Variants in EFHC2 observed in about 807,000 individuals in gnomAD.
EFHC2 encodes the protein EF-hand domain containing 2.
In EFHC2, 18 loss-of-function variants were observed where a neutral mutation model predicts 52.7. The ratio of observed to expected loss-of-function variants is 0.34; its 90% CI spans 0.24 to 0.51. The LOEUF (loss-of-function observed/expected upper bound fraction) is 0.51. EFHC2 is among the 20% of genes least tolerant of loss of function. The probability of loss-of-function intolerance (pLI) is 0.97; values close to 1 mark genes in which losing one functional copy is unlikely to be tolerated. For missense variants in EFHC2, 513 were observed against 562.5 expected, an observed-to-expected ratio of 0.91 and a Z score of 0.89; for synonymous variants, 203 against 204.1, an observed-to-expected ratio of 0.99 and a Z score of 0.04.
chrX:44,211,359 C>G (rs2037093454), intron 11 of EFHC2, among the ~76,000 whole-genome samples: 1 of 110,591 alleles, frequency 9.0e-6, no homozygotes, highest in Non-Finnish European at 1.9e-5. Context: ...GAAACCCCAT[C>G]TTTACTAAAA....
chrX:44,214,880 G>A (rs1602156505), intron 11 of EFHC2, among the ~76,000 whole-genome samples: 2 of 111,862 alleles, frequency 1.8e-5, no homozygotes, highest in South Asian at 7.6e-4. Context: ...GCCTACTGGT[G>A]AAGCTAGTAT....
Position 44,266,823 on chromosome X carries a change from C to T in EFHC2, c.383-5525G>A, listed in dbSNP as rs141307535. ...GTACATGCCCAATAAGAGTGAATGG[C>T]ATATGAATGACTGACTTCTATTTTG... On this transcript the variant is annotated intron_variant, in intron 3 of 14. Coordinates refer to ENST00000420999, the MANE Select transcript of EFHC2 (RefSeq NM_025184.4). Among the ~76,000 whole-genome samples the T allele has an allele frequency of 8.7e-3, 973 of 111,403 alleles. 16 individuals are homozygous for T. Among genetic ancestry groups the T allele is most frequent in the African/African-American group, 0.03 (928 of 30,618 alleles).
chrX:44,192,350 T>C (rs2147289705), intron 11 of EFHC2, among the ~76,000 whole-genome samples: 1 of 112,063 alleles, frequency 8.9e-6, no homozygotes, highest in African/African-American at 3.2e-5. Context: ...CTCTGTGTAT[T>C]GCCTGAGGTC....
chrX:44,265,695 C>G, intron 3 of EFHC2, among the ~76,000 whole-genome samples: 1 of 111,927 alleles, frequency 8.9e-6, no homozygotes, highest in Non-Finnish European at 1.9e-5. Flanking sequence ...CACTTATCAT[C>G]ACATCTACAA....
chrX:44,179,146 A>T, intron 11 of EFHC2, among the ~76,000 whole-genome samples: 1 of 110,534 alleles, frequency 9.0e-6, no homozygotes, highest in Non-Finnish European at 1.9e-5. Flanking sequence ...TAGAAGGCAA[A>T]TGGTACTGAG....
intron 4 of EFHC2, among the ~76,000 whole-genome samples, chrX:44,256,318 C>T (rs1465956334): frequency 1.8e-5 from 2 of 110,719 alleles, no homozygotes; most frequent in African/African-American, 6.6e-5. Context: ...GATAGAGACA[C>T]AAAAAACCCT....
chrX:44,226,931 A>C (rs1249843546), intron 11 of EFHC2, among the ~76,000 whole-genome samples: 1 of 108,520 alleles, frequency 9.2e-6, no homozygotes, highest in Non-Finnish European at 1.9e-5. Flanking sequence ...GAAGGAAGGA[A>C]GGAAGGAGAA....
chrX:44,212,432 C>G (rs2037107222), intron 11 of EFHC2, among the ~76,000 whole-genome samples: 1 of 110,727 alleles, frequency 9.0e-6, no homozygotes, highest in African/African-American at 3.3e-5. Flanking sequence ...GGGGTTTTAT[C>G]AGAGCCTAAC....
chrX:44,326,495 A>G (rs1373048688), intron 1 of EFHC2, among the ~76,000 whole-genome samples: 3 of 110,720 alleles, frequency 2.7e-5, no homozygotes, highest in Non-Finnish European at 5.7e-5. Flanking sequence ...TTTATCTCAT[A>G]TATATGTACA....
chrX:44,204,115 C>A (rs1165847075), intron 11 of EFHC2, among the ~76,000 whole-genome samples: 5 of 110,568 alleles, frequency 4.5e-5, no homozygotes, highest in Admixed American at 9.6e-5. Context: ...AGAGCTTTGC[C>A]CCCTGAAAGC....
chrX:44,216,170 C>T (rs1602157303), intron 11 of EFHC2, among the ~76,000 whole-genome samples: 1 of 112,596 alleles, frequency 8.9e-6, no homozygotes, highest in South Asian at 3.6e-4. Flanking sequence ...TTTTAACAAA[C>T]TACCCTAAAA....
intron 11 of EFHC2, among the ~76,000 whole-genome samples, chrX:44,195,753 C>G (rs1393184510): frequency 9.1e-6 from 1 of 109,895 alleles, no homozygotes; most frequent in Non-Finnish European, 1.9e-5. Context: ...CCCTGGGTAT[C>G]CTGGGGCACG....
At chrX:44,341,857 G>A (rs1459315136) in intron 1 of EFHC2, among the ~76,000 whole-genome samples, 1 of 112,135 alleles carries the variant, frequency 8.9e-6, no homozygotes, top group East Asian at 2.8e-4. Context: ...AAAAATATAC[G>A]CAGAACCTTG....
chrX:44,165,983 C>A (rs1267897011), intron 13 of EFHC2, among the ~76,000 whole-genome samples: 4 of 111,918 alleles, frequency 3.6e-5, no homozygotes, highest in Admixed American at 1.9e-4. Context: ...AGACCCAAAT[C>A]TGTTGTCATC....
chrX:44,174,766 G>C (rs2036773324), intron 13 of EFHC2, among the ~76,000 whole-genome samples: 3 of 110,722 alleles, frequency 2.7e-5, no homozygotes. Flanking sequence ...TATCTGTGAA[G>C]AACTCTGAGT....
In EFHC2 at chrX:44,309,415, A is replaced by G. The variant is rs764413354; in HGVS notation, c.231+3153T>C. On this transcript the variant is annotated intron_variant, in intron 2 of 14. Transcript: ENST00000420999. The stretch of plus-strand genomic sequence containing the variant: ...CTCCTCTCAAAGAAGTTAGTCTTTC[A>G]GTGAAATATTCTCCGTAAAGTCAAA... 88 of 1,005,283 alleles carry G rather than the reference A, an allele frequency of 8.8e-5. No individual in the cohort carries two copies. The Middle Eastern group carries it at 1.8e-3, about 20-fold the overall frequency. The allele number at this position is 1,005,283 out of a possible 1,213,427, so 82.8% of individuals were successfully genotyped here.
At chrX:44,326,717 ATTTTTTT>A (rs773265380) in intron 1 of EFHC2, among the ~76,000 whole-genome samples, 1 of 45,044 alleles carries the variant, frequency 2.2e-5, no homozygotes, top group African/African-American at 9.3e-5. Context: ...ATGGAGTCTG[ATTTTTTT>A]TTTTTTTTTT....
At chrX:44,178,633 T>C in intron 11 of EFHC2, 69 bp from the exon 12 acceptor site, 1 of 904,154 alleles carries the variant, frequency 1.1e-6, no homozygotes, top group South Asian at 2.7e-5. Flanking sequence ...TCTCCTTCTA[T>C]TTAAAAGATC....
intron 11 of EFHC2, among the ~76,000 whole-genome samples, chrX:44,204,858 T>C (rs1270908708): frequency 9.0e-6 from 1 of 111,715 alleles, no homozygotes; most frequent in East Asian, 2.8e-4. Flanking sequence ...GAGGTCAACA[T>C]GCAGATACAA....
Sources: gnomAD v4.1 joint callset for allele counts (sites outside exome capture counted in the v4.1 genomes callset) on GRCh38, gnomAD v4.1.1 for gene constraint, MANE v1.5 for transcripts, NCBI Gene and HGNC (gene_info 2026-07-23, HGNC 2026-07-21) for gene names.